CSMD3: variants seen among roughly 807,000 people sequenced by gnomAD.
CSMD3 encodes CUB and Sushi multiple domains 3, also known as CUB and sushi domain-containing protein 3.
Under a neutral mutation model 435.2 loss-of-function variants are expected in CSMD3, and 177 were observed. The observed-to-expected ratio is 0.41, with a 90% CI of 0.36 to 0.46. The LOEUF (loss-of-function observed/expected upper bound fraction) is 0.46, where lower values mean the gene tolerates loss of function less well. CSMD3 is among the 20% of genes least tolerant of loss of function. The probability of loss-of-function intolerance (pLI) is 0.34; values close to 1 mark genes in which losing one functional copy is unlikely to be tolerated. For synonymous variants in CSMD3, 1,656 were observed against 1,520.5 expected (o/e 1.09, Z -2.07); for missense variants, 4,265 against 4,504.6 (o/e 0.95, Z 1.52).
intron 3 of CSMD3, among the ~76,000 whole-genome samples, chr8:113,261,094 A>G (rs565203801): frequency 6.6e-6 from 1 of 152,272 alleles, no homozygotes; most frequent in East Asian, 1.9e-4. Flanking sequence ...GTTCTTGACA[A>G]TAAGTGAAGT....
intron 13 of CSMD3, among the ~76,000 whole-genome samples, chr8:112,739,681 G>C (rs969314231): frequency 1.4e-4 from 21 of 151,694 alleles, no homozygotes; most frequent in African/African-American, 4.8e-4. Flanking sequence ...ATTACAGTTA[G>C]AGCACACTCA....
intron 3 of CSMD3, among the ~76,000 whole-genome samples, chr8:113,260,977 A>G (rs1198849990): frequency 6.6e-6 from 1 of 152,070 alleles, no homozygotes; most frequent in Non-Finnish European, 1.5e-5. Context: ...TCTATTACTG[A>G]TGGGCATTTG....
chr8:112,747,064 C>T (rs1286874146), intron 13 of CSMD3, among the ~76,000 whole-genome samples: 3 of 151,814 alleles, frequency 2.0e-5, no homozygotes, highest in Non-Finnish European at 4.4e-5. Flanking sequence ...AAGAAAGGTA[C>T]TACCCTTAAA....
chr8:112,847,262 C>T (rs988904664), intron 11 of CSMD3, among the ~76,000 whole-genome samples: 3 of 152,034 alleles, frequency 2.0e-5, no homozygotes, highest in African/African-American at 7.2e-5. Flanking sequence ...ATGCATTTGT[C>T]TCTAAACGTG....
At chr8:112,233,517 T>G (rs1207149153) in intron 68 of CSMD3, among the ~76,000 whole-genome samples, 3 of 152,144 alleles carry the variant, frequency 2.0e-5, no homozygotes, top group African/African-American at 7.2e-5. Flanking sequence ...AATGCAGAAA[T>G]AGGATAAACA....
chr8:113,009,939 G>A (rs1214269854), intron 6 of CSMD3, among the ~76,000 whole-genome samples: 1 of 151,682 alleles, frequency 6.6e-6, no homozygotes, highest in Non-Finnish European at 1.5e-5. Context: ...ACATACAGTA[G>A]CAATGAATAG....
chr8:112,586,161 A>G (rs1830709770), intron 23 of CSMD3, among the ~76,000 whole-genome samples: 1 of 151,574 alleles, frequency 6.6e-6, no homozygotes, highest in Non-Finnish European at 1.5e-5. Flanking sequence ...AAAAGAAACT[A>G]ACCAATAACA....
chr8:112,887,882 A>G (rs1025869945), intron 10 of CSMD3, among the ~76,000 whole-genome samples: 4 of 151,688 alleles, frequency 2.6e-5, no homozygotes, highest in Admixed American at 2.6e-4. Flanking sequence ...CTACTTGGTA[A>G]TTAAATCCTA....
At chr8:113,081,224 C>T (rs554481773) in intron 5 of CSMD3, among the ~76,000 whole-genome samples, 2 of 152,108 alleles carry the variant, frequency 1.3e-5, no homozygotes, top group East Asian at 1.9e-4. Flanking sequence ...TTCATGTTTC[C>T]GGATACCATA....
intron 7 of CSMD3, among the ~76,000 whole-genome samples, chr8:112,974,476 T>C (rs1364607976): frequency 6.6e-6 from 1 of 151,776 alleles, no homozygotes; most frequent in African/African-American, 2.4e-5. Context: ...AATGAAAAAA[T>C]AGTTTTTAAC....
At chr8:112,941,972 A>AG (rs113464007) in intron 9 of CSMD3, among the ~76,000 whole-genome samples, 10,734 of 151,658 alleles carry the variant, frequency 0.071, 544 homozygotes, top group African/African-American at 0.14. Flanking sequence ...TAAAGTTCAT[A>AG]ATTACATTAG....
Position 112,406,654 on chromosome 8 carries a change from T to A in CSMD3, c.5679A>T (p.Glu1893Asp), listed in dbSNP as rs2130027101. 1 of 1,612,566 alleles carries A rather than the reference T, an allele frequency of 6.2e-7. No individual in the cohort carries two copies. Among genetic ancestry groups the A allele is most frequent in the African/African-American group, 1.3e-5 (1 of 74,996 alleles). The change falls in exon 35 of 71, where the codon GAA becomes GAT. Residue 1893 changes from glutamate (E) to aspartate (D), a missense_variant. Glu to Asp is a conservative substitution (Grantham distance 45). Transcript: ENST00000297405. Reference sequence around the variant, plus strand: ...AAAGAACCGATGAACCGACTGCAAATTCATTGCCAATTCTTCTTCCGAATC... The same window carrying A: ...AAAGAACCGATGAACCGACTGCAAAATCATTGCCAATTCTTCTTCCGAATC... The part of the protein sequence containing the change: ...EPRFGRRIGN[E>D]FAVGSSVLFD...
chr8:113,099,097 T>C (rs1023276802), intron 4 of CSMD3, 134 bp from the exon 5 acceptor site: 2 of 669,750 alleles, frequency 3.0e-6, no homozygotes, highest in Non-Finnish European at 5.4e-6. Context: ...AATATACTAA[T>C]AGAGATTAAA....
chr8:112,600,285 CTCTT>C (rs1408470933), intron 22 of CSMD3, among the ~76,000 whole-genome samples: 2 of 151,940 alleles, frequency 1.3e-5, no homozygotes, highest in Admixed American at 6.6e-5. Context: ...AAATAAATGG[CTCTT>C]TATTTAAAAT....
At chr8:112,374,450 T>C (rs1289723225) in intron 38 of CSMD3, among the ~76,000 whole-genome samples, 1 of 152,190 alleles carries the variant, frequency 6.6e-6, no homozygotes, top group Non-Finnish European at 1.5e-5. Flanking sequence ...CCTGCCACTG[T>C]AGTATTTTTA....
rs200587903 is a variant in CSMD3 at position 112,410,702 on chromosome 8, GTA to G, written c.5396-1672_5396-1671del. Among the ~76,000 whole-genome samples, 907 of 110,222 alleles carry G rather than the reference GTA, an allele frequency of 8.2e-3. 17 individuals are homozygous for G. Among genetic ancestry groups the G allele is most frequent in the African/African-American group, 0.028 (837 of 30,148 alleles). 72.3% of individuals were successfully genotyped at this position (110,222 alleles called of 152,430 possible). ...TATATATATATGTATATATATATGT[GTA>G]TATATATATATGTATATATATAGGA... On this transcript the variant is annotated intron_variant, in intron 32 of 70. Transcript: ENST00000297405.
chr8:112,832,908 T>A (rs1426829024), intron 11 of CSMD3, among the ~76,000 whole-genome samples: 1 of 152,202 alleles, frequency 6.6e-6, no homozygotes, highest in African/African-American at 2.4e-5. Flanking sequence ...TACTTTTTAT[T>A]TAATAAATAG....
intron 16 of CSMD3, among the ~76,000 whole-genome samples, chr8:112,670,226 A>C (rs974866261): frequency 1.3e-5 from 2 of 152,182 alleles, no homozygotes; most frequent in African/African-American, 4.8e-5. Flanking sequence ...ATTGTAAATG[A>C]AAGCAACATC....
intron 1 of CSMD3, 120 bp downstream of exon 1, chr8:113,436,557 C>G: frequency 1.1e-6 from 1 of 944,440 alleles, no homozygotes; most frequent in Non-Finnish European, 1.7e-6. Flanking sequence ...TGAATCAACT[C>G]CTTTAGTATT....
Sources: allele counts gnomAD v4.1 joint callset (sites outside exome capture counted in the v4.1 genomes callset), GRCh38; gene constraint gnomAD v4.1.1; transcripts MANE v1.5; gene names NCBI Gene and HGNC (gene_info 2026-07-23, HGNC 2026-07-21).